ARID4B: variants seen among roughly 807,000 people sequenced by gnomAD.
ARID4B encodes AT-rich interaction domain 4B, also known as AT-rich interactive domain-containing protein 4B.
Under a neutral mutation model 147.5 loss-of-function variants are expected in ARID4B, and 26 were observed. The observed-to-expected ratio is 0.18, with a 90% CI of 0.13 to 0.24. The LOEUF (loss-of-function observed/expected upper bound fraction) is 0.24, where lower values mean the gene tolerates loss of function less well. Ranked by LOEUF, ARID4B falls within the 10% of genes least tolerant of loss-of-function variation. The pLI is 1.00. For synonymous variants in ARID4B, 512 were observed against 507.9 expected (o/e 1.01, Z -0.11); for missense variants, 1,179 against 1,511.5 (o/e 0.78, Z 3.65).
At chr1:235,323,887 TTTTTA>T (rs1264319578) in intron 2 of ARID4B, among the ~76,000 whole-genome samples, 13 of 151,896 alleles carry the variant, frequency 8.6e-5, no homozygotes, top group East Asian at 1.9e-4. Flanking sequence ...GTACTGCTGA[TTTTTA>T]TTTTATTTTA....
At chr1:235,194,520 A>C (rs1291739668) in intron 18 of ARID4B, among the ~76,000 whole-genome samples, 1 of 152,114 alleles carries the variant, frequency 6.6e-6, no homozygotes, top group Non-Finnish European at 1.5e-5. Flanking sequence ...GTTTAAATTA[A>C]ATACTAACTA....
intron 19 of ARID4B, among the ~76,000 whole-genome samples, chr1:235,191,191 C>T (rs911982705): frequency 6.6e-6 from 1 of 151,910 alleles, no homozygotes; most frequent in African/African-American, 2.4e-5. Flanking sequence ...GAGTAGTCTG[C>T]TACTACGACT....
At chr1:235,286,761 T>C (rs1305139753) in intron 2 of ARID4B, among the ~76,000 whole-genome samples, 1 of 152,216 alleles carries the variant, frequency 6.6e-6, no homozygotes, top group Non-Finnish European at 1.5e-5. Context: ...AGTTACATTA[T>C]CTGATGTCTT....
At chr1:235,293,722 C>T (rs1672490380) in intron 2 of ARID4B, among the ~76,000 whole-genome samples, 1 of 152,024 alleles carries the variant, frequency 6.6e-6, no homozygotes, top group Non-Finnish European at 1.5e-5. Context: ...AGTCTAGCAA[C>T]TCAATTCAGC....
At chr1:235,280,517 C>T (rs1015246348) in intron 2 of ARID4B, among the ~76,000 whole-genome samples, 1 of 152,256 alleles carries the variant, frequency 6.6e-6, no homozygotes, top group African/African-American at 2.4e-5. Context: ...CTGAGCAGCT[C>T]ACTGGGTTCC....
At chr1:235,215,545 A>ATG (rs1324619607) in intron 16 of ARID4B, among the ~76,000 whole-genome samples, 15 of 108,960 alleles carry the variant, frequency 1.4e-4, no homozygotes, top group South Asian at 3.9e-4. Flanking sequence ...GCACACATAT[A>ATG]TATGTGTGTG....
chr1:235,286,435 A>G (rs754605211), intron 2 of ARID4B, among the ~76,000 whole-genome samples: 13 of 152,336 alleles, frequency 8.5e-5, no homozygotes, highest in South Asian at 2.1e-4. Flanking sequence ...AGTGTAGTGG[A>G]GGAATCTGTT....
At chr1:235,294,145 C>A (rs1430544968) in intron 2 of ARID4B, among the ~76,000 whole-genome samples, 3 of 151,968 alleles carry the variant, frequency 2.0e-5, no homozygotes, top group Non-Finnish European at 4.4e-5. Flanking sequence ...TTACTGACAT[C>A]TAGTACCACC....
At chr1:235,186,635 T>G (rs1347959628) in intron 19 of ARID4B, among the ~76,000 whole-genome samples, 1 of 152,078 alleles carries the variant, frequency 6.6e-6, no homozygotes, top group Non-Finnish European at 1.5e-5. Context: ...ACTCCTGACC[T>G]CAGATGATCC....
At chr1:235,284,592 G>C (rs1455274860) in intron 2 of ARID4B, among the ~76,000 whole-genome samples, 1 of 152,094 alleles carries the variant, frequency 6.6e-6, no homozygotes, top group Admixed American at 6.6e-5. Flanking sequence ...GAAAGCTAAC[G>C]TGAGAGGATC....
In ARID4B at chr1:235,223,159, C is replaced by T. The variant is rs376929512; in HGVS notation, c.1065+7G>A. ...AAAAGATGTTTCAGTTTGACTACAACACTCACATTATCAAATCCTCCAAGT... is the reference window on the plus strand; with the variant it reads ...AAAAGATGTTTCAGTTTGACTACAATACTCACATTATCAAATCCTCCAAGT... On this transcript the variant is annotated splice_region_variant and intron_variant, in intron 13 of 23. Transcript: ENST00000264183. The T allele has an allele frequency of 6.6e-6, 10 of 1,523,776 alleles. No individual in the cohort carries two copies. In the African/African-American group the frequency reaches 1.1e-4, roughly 17 times the overall value. 94.4% of individuals were successfully genotyped at this position (1,523,776 alleles called of 1,614,324 possible).
chr1:235,200,087 G>C (rs1164927526), intron 17 of ARID4B, among the ~76,000 whole-genome samples: 2 of 151,878 alleles, frequency 1.3e-5, no homozygotes, highest in Admixed American at 6.6e-5. Context: ...GGGAGGCCCA[G>C]ACAGGCAGAT....
At chr1:235,190,858 C>T (rs913080502) in intron 19 of ARID4B, among the ~76,000 whole-genome samples, 1 of 152,154 alleles carries the variant, frequency 6.6e-6, no homozygotes, top group African/African-American at 2.4e-5. Context: ...AGGAAAATAG[C>T]TGTGCAACAG....
chr1:235,196,630 G>A (rs1665507660), intron 17 of ARID4B, among the ~76,000 whole-genome samples: 1 of 152,060 alleles, frequency 6.6e-6, no homozygotes, highest in Non-Finnish European at 1.5e-5. Context: ...AAGGCGGGCA[G>A]ATCACGAAGT....
chr1:235,236,492 T>TTGTGTGTG (rs111585112), intron 8 of ARID4B, among the ~76,000 whole-genome samples: 13 of 147,048 alleles, frequency 8.8e-5, no homozygotes, highest in African/African-American at 2.8e-4. Context: ...TACAAAACAG[T>TTGTGTGTG]TGTGTGTGTG....
chr1:235,248,119 A>G (rs1309240681), intron 6 of ARID4B, among the ~76,000 whole-genome samples: 5 of 152,140 alleles, frequency 3.3e-5, no homozygotes, highest in African/African-American at 1.2e-4. Flanking sequence ...CGGCATGATC[A>G]TTGCTCACTG....
rs144158815 is a variant in ARID4B at position 235,233,517 on chromosome 1, CATG to C, written c.665+893_665+895del. ...AAAATTCAAACATCAAATCTTAAAA[CATG>C]ATGACCTTTTTAAGGTATTTATACC... On this transcript the variant is annotated intron_variant, in intron 9 of 23. Transcript: ENST00000264183. Among the ~76,000 whole-genome samples, 1,350 of 152,254 alleles carry C rather than the reference CATG, an allele frequency of 8.9e-3. 19 individuals are homozygous for C. The highest frequency in any genetic ancestry group is 0.031 in the African/African-American group (1,302 of 41,554).
chr1:235,178,101 T>C (rs1413730719), intron 20 of ARID4B, among the ~76,000 whole-genome samples, 188 bp from the exon 21 acceptor site: 1 of 152,178 alleles, frequency 6.6e-6, no homozygotes, highest in Admixed American at 6.5e-5. Context: ...TTCTTATACA[T>C]AATAAAAGTC....
At chr1:235,235,209 A>C (rs1367636215) in intron 8 of ARID4B, among the ~76,000 whole-genome samples, 1 of 152,182 alleles carries the variant, frequency 6.6e-6, no homozygotes, top group Non-Finnish European at 1.5e-5. Flanking sequence ...AAAACAACAA[A>C]AAAGGGCCAA....
Sources: gnomAD v4.1 joint callset for allele counts (sites outside exome capture counted in the v4.1 genomes callset) on GRCh38, gnomAD v4.1.1 for gene constraint, MANE v1.5 for transcripts, NCBI Gene and HGNC (gene_info 2026-07-23, HGNC 2026-07-21) for gene names.